SLC12A3: variants seen among roughly 807,000 people sequenced by gnomAD.
The protein encoded by SLC12A3 is Na-Cl cotransporter.
SLC12A3 carries 104 observed loss-of-function variants against 121.0 expected under a neutral mutation model. The ratio of observed to expected loss-of-function variants is 0.86; its 90% confidence interval spans 0.73 to 1.01. The LOEUF (loss-of-function observed/expected upper bound fraction) is 1.01, where lower values mean the gene tolerates loss of function less well. SLC12A3 is among the 50% of genes least tolerant of loss of function. SLC12A3 has a pLI of 0.00. For missense variants in SLC12A3, 1,328 were observed against 1,356.3 expected, an observed-to-expected ratio of 0.98 and a Z score of 0.33; for synonymous variants, 536 against 533.4, an observed-to-expected ratio of 1.00 and a Z score of -0.07.
intron 8 of SLC12A3, among the ~76,000 whole-genome samples, chr16:56,873,168 T>C (rs1363868982): frequency 3.3e-5 from 5 of 152,116 alleles, no homozygotes; most frequent in Non-Finnish European, 7.4e-5. Flanking sequence ...CTTCTTGGCT[T>C]GGCATTCAAG....
rs1392293712 is a variant in SLC12A3, at chr16:56,904,502, G to A, written c.2924+40G>A. 6 of 1,593,748 alleles carry A rather than the reference G, an allele frequency of 3.8e-6. No homozygotes were observed. In the East Asian group the frequency reaches 1.3e-4, roughly 36 times the overall value. The stretch of plus-strand genomic sequence containing the variant: ...GCTGGTGGGAGGACCAGTCTGTCCA[G>A]AGTCAGGTGTCTCAGCTCTGGGAAG... On this transcript the variant is annotated intron_variant, in intron 25 of 25. Coordinates refer to ENST00000563236, the MANE Select transcript of SLC12A3 (RefSeq NM_001126108.2).
At chr16:56,873,461 A>G (rs2055128115) in intron 8 of SLC12A3, among the ~76,000 whole-genome samples, 1 of 126,276 alleles carries the variant, frequency 7.9e-6, no homozygotes, top group Admixed American at 1.1e-4. Context: ...ATCTTGGCTC[A>G]CTGCAACCTC....
chr16:56,865,519 T>A lies in SLC12A3; in HGVS notation c.282+2T>A. The stretch of plus-strand genomic sequence containing the variant: ...GCTGACCTGCACTCCTTCCTCAAGG[T>A]AAGTGCTGTCTCAGAAGACTGGCCA... On this transcript the variant is annotated splice_donor_variant, in intron 1 of 25. Coordinates refer to ENST00000563236, the MANE Select transcript of SLC12A3 (RefSeq NM_001126108.2). LOFTEE classifies it high-confidence loss of function. 1 of 1,611,186 alleles carries A rather than the reference T, an allele frequency of 6.2e-7. No individual in the cohort carries two copies. Among genetic ancestry groups the A allele is most frequent in the African/African-American group, 1.3e-5 (1 of 75,040 alleles).
Position 56,878,058 on chromosome 16 carries a change from C to CCCTCCCTCCCTCCCTT in SLC12A3, c.1096-19_1096-18insCCTCCCTCCCTCCCTT. 1.1e-6 allele frequency: 1 copy of CCCTCCCTCCCTCCCTT among 880,762 alleles called. No individual in the cohort carries two copies. Among genetic ancestry groups the CCCTCCCTCCCTCCCTT allele is most frequent in the Non-Finnish European group, 1.7e-6 (1 of 576,028 alleles). The allele number at this position is 880,762 out of a possible 1,614,324, so 54.6% of individuals were successfully genotyped here. Reference sequence around the variant, plus strand: ...TCTCTCCCTCCCTCCCTCCCTCCCTCTCTCCCTCCCTCCTTCAGGACCCTG... The same window carrying CCCTCCCTCCCTCCCTT: ...TCTCTCCCTCCCTCCCTCCCTCCCTCCCTCCCTCCCTCCCTTTCTCCCTCCCTCCTTCAGGACCCTG... On this transcript the variant is annotated intron_variant, in intron 8 of 25. Coordinates refer to ENST00000563236, the MANE Select transcript of SLC12A3 (RefSeq NM_001126108.2).
chr16:56,875,068 C>T (rs1412262656), intron 8 of SLC12A3, among the ~76,000 whole-genome samples: 5 of 152,156 alleles, frequency 3.3e-5, no homozygotes, highest in South Asian at 2.1e-4. Context: ...GAATTTATCT[C>T]GATGCCTCAT....
intron 3 of SLC12A3, among the ~76,000 whole-genome samples, chr16:56,869,479 C>T (rs1431180985): frequency 6.6e-6 from 1 of 152,194 alleles, no homozygotes; most frequent in Non-Finnish European, 1.5e-5. Flanking sequence ...AGGCATGTGC[C>T]AGCATGCCTG....
At chr16:56,877,267 A>C (rs2055175607) in intron 8 of SLC12A3, among the ~76,000 whole-genome samples, 1 of 151,934 alleles carries the variant, frequency 6.6e-6, no homozygotes, top group Non-Finnish European at 1.5e-5. Flanking sequence ...GTGGTGGTAC[A>C]TGCCTGTAGT....
chr16:56,880,311 G>T, intron 12 of SLC12A3, 58 bp downstream of exon 12: 1 of 1,537,888 alleles, frequency 6.5e-7, no homozygotes, highest in Non-Finnish European at 8.8e-7. Flanking sequence ...CCGGCCATGA[G>T]GGTCTTGGGG....
At chr16:56,888,573 T>TTTTC in intron 18 of SLC12A3, among the ~76,000 whole-genome samples, 1 of 146,300 alleles carries the variant, frequency 6.8e-6, no homozygotes, top group African/African-American at 2.5e-5. Context: ...TTTTTTTTTT[T>TTTTC]TTTGAGACGG....
intron 8 of SLC12A3, among the ~76,000 whole-genome samples, chr16:56,874,264 G>A (rs1274945056): frequency 6.6e-6 from 1 of 152,252 alleles, no homozygotes; most frequent in Admixed American, 6.5e-5. Flanking sequence ...TGCTGCACCA[G>A]CAGGGAGAAG....
rs751926753 is a variant in SLC12A3 at position 56,913,319 on chromosome 16, C to T, written c.2980C>T (p.Leu994=). ...KCPSSLYMAW[L]ETLSQDLRPP... is the part of the protein sequence containing the mutation. Reference sequence around the variant, plus strand: ...CCCCAGCTCGCTGTACATGGCCTGGCTGGAGACCCTGTCCCAGGACCTCAG... The same window carrying T: ...CCCCAGCTCGCTGTACATGGCCTGGTTGGAGACCCTGTCCCAGGACCTCAG... The change falls in exon 26 of 26, where the codon CTG becomes TTG. Residue 994 remains leucine, a synonymous_variant. Coordinates refer to ENST00000563236, the MANE Select transcript of SLC12A3 (RefSeq NM_001126108.2). 3.7e-6 allele frequency: 6 copies of T among 1,614,172 alleles called. No homozygotes were observed. Among genetic ancestry groups the T allele is most frequent in the Non-Finnish European group, 5.1e-6 (6 of 1,180,006 alleles).
intron 2 of SLC12A3, 136 bp downstream of exon 2, chr16:56,867,352 A>G (rs1596886334): frequency 1.1e-6 from 1 of 886,310 alleles, no homozygotes; most frequent in Non-Finnish European, 1.7e-6. Context: ...CAATGAGTTA[A>G]TAGATCAATA....
chr16:56,894,807 G>T (rs573211397), intron 22 of SLC12A3, among the ~76,000 whole-genome samples, 165 bp downstream of exon 22: 1 of 152,130 alleles, frequency 6.6e-6, no homozygotes, highest in Non-Finnish European at 1.5e-5. Flanking sequence ...CAGTGGGCAG[G>T]AGCAGGAGCA....
At chr16:56,887,832 T>C (rs1410289743) in intron 17 of SLC12A3, 93 bp from the exon 18 acceptor site, 9 of 595,844 alleles carry the variant, frequency 1.5e-5, no homozygotes, top group Non-Finnish European at 2.9e-5. Context: ...AATCAGCACA[T>C]CTGGAGACAT....
At chr16:56,869,994 C>A in intron 4 of SLC12A3, 102 bp from the exon 5 acceptor site, 1 of 1,490,568 alleles carries the variant, frequency 6.7e-7, no homozygotes, top group East Asian at 2.3e-5. Flanking sequence ...ATCTCCTGCC[C>A]CGTGGGTCCT....
In SLC12A3 at chr16:56,884,510, G is replaced by A. The variant is rs574297806; in HGVS notation, c.1825+306G>A. 4.6e-5 allele frequency among the ~76,000 whole-genome samples: 7 copies of A among 152,336 alleles called. No homozygotes were observed. In the South Asian group the frequency reaches 1.4e-3, roughly 32 times the overall value. On this transcript the variant is annotated intron_variant, in intron 14 of 25. Transcript: ENST00000563236. ...CTTCCCTAGGGCTGTCCCCCAAGAG[G>A]GGCCAGCAGGCTGCTGTGCACACCT...
intron 19 of SLC12A3, among the ~76,000 whole-genome samples, chr16:56,891,240 C>G (rs2055384307): frequency 6.6e-6 from 1 of 151,662 alleles, no homozygotes; most frequent in South Asian, 2.1e-4. Context: ...GGTGTGGTGG[C>G]ACGTGTCTGG....
chr16:56,868,015 G>A (rs1390508974), intron 2 of SLC12A3, among the ~76,000 whole-genome samples: 1 of 152,212 alleles, frequency 6.6e-6, no homozygotes, highest in Non-Finnish European at 1.5e-5. Context: ...CAGGATCCTG[G>A]GCTTGGGATG....
At position 56,884,053 on chromosome 16, in the gene SLC12A3, G is replaced by A. The variant is rs2144723074; in HGVS notation, c.1674G>A (p.Trp558Ter). The change falls in exon 14 of 26, where the codon TGG (tryptophan) becomes TGA (stop). Residue 558 changes from tryptophan to a stop codon, truncating the protein, a stop_gained. Transcript: ENST00000563236. LOFTEE classifies it high-confidence loss of function. ...FHASITNSPG[W>*]RPSFQYYNKW... ...TGACTGGTGCCCTTGGCCCAGGGTG[G>A]AGACCTTCATTCCAATACTACAACA... 6.2e-7 allele frequency: 1 copy of A among 1,614,180 alleles called. No homozygotes were observed. Among genetic ancestry groups the A allele is most frequent in the South Asian group, 1.1e-5 (1 of 91,082 alleles).
Sources: allele counts gnomAD v4.1 joint callset (sites outside exome capture counted in the v4.1 genomes callset), GRCh38; gene constraint gnomAD v4.1.1; transcripts MANE v1.5; gene names NCBI Gene and HGNC (gene_info 2026-07-23, HGNC 2026-07-21).